The following DAAM1 variants were observed in gnomAD, a reference collection of about 807,000 sequenced individuals.
The protein encoded by DAAM1 is dishevelled associated activator of morphogenesis 1, also known as disheveled-associated activator of morphogenesis 1.
In DAAM1, 52 loss-of-function variants were observed where a neutral mutation model predicts 130.0. The ratio of observed to expected loss-of-function variants is 0.40; its 90% confidence interval spans 0.32 to 0.50. The LOEUF (loss-of-function observed/expected upper bound fraction) is 0.50, where lower values mean the gene tolerates loss of function less well. Among genes scored for constraint, DAAM1 ranks in the 20% least tolerant of loss-of-function variants. The probability of loss-of-function intolerance (pLI) is 0.61; values close to 1 mark genes in which losing one functional copy is unlikely to be tolerated. For missense variants in DAAM1, 1,134 were observed against 1,303.8 expected (o/e 0.87, Z 2.01); for synonymous variants, 452 against 444.5 (o/e 1.02, Z -0.21).
intron 1 of DAAM1, among the ~76,000 whole-genome samples, chr14:59,195,569 G>C (rs970164327): frequency 6.6e-6 from 1 of 152,036 alleles, no homozygotes; most frequent in Admixed American, 6.6e-5. Context: ...CACAATTAAG[G>C]TCACCTATTA....
intron 1 of DAAM1, among the ~76,000 whole-genome samples, chr14:59,224,618 T>G (rs867773251): frequency 1.3e-5 from 2 of 152,384 alleles, no homozygotes; most frequent in South Asian, 4.1e-4. Flanking sequence ...CTATGGACTT[T>G]AAACGTTTGA....
intron 1 of DAAM1, among the ~76,000 whole-genome samples, chr14:59,234,756 T>C (rs1163214545): frequency 6.6e-6 from 1 of 152,222 alleles, no homozygotes; most frequent in Non-Finnish European, 1.5e-5. Context: ...GATATTGGTA[T>C]GGGTTTGTCA....
intron 23 of DAAM1, among the ~76,000 whole-genome samples, chr14:59,365,286 C>G (rs1287810087): frequency 5.3e-5 from 8 of 152,150 alleles, no homozygotes; most frequent in African/African-American, 1.9e-4. Flanking sequence ...ATAAAAAGAT[C>G]ACTCAGGATG....
At chr14:59,351,166 C>T (rs1005195663) in intron 17 of DAAM1, among the ~76,000 whole-genome samples, 1 of 149,902 alleles carries the variant, frequency 6.7e-6, no homozygotes, top group Non-Finnish European at 1.5e-5. Context: ...CTCTCATATA[C>T]CACAATCCAT....
At chr14:59,242,832 G>A (rs1278796162) in intron 1 of DAAM1, among the ~76,000 whole-genome samples, 2 of 152,122 alleles carry the variant, frequency 1.3e-5, no homozygotes, top group African/African-American at 4.8e-5. Context: ...GGGATTACAG[G>A]TGTGAGCCAC....
At chr14:59,362,095 A>T (rs1218129074) in intron 22 of DAAM1, among the ~76,000 whole-genome samples, 3 of 145,336 alleles carry the variant, frequency 2.1e-5, no homozygotes, top group Non-Finnish European at 1.5e-5. Context: ...TTTTTCTCCC[A>T]GCCCCAGAGG....
chr14:59,321,355 G>A (rs919703869), intron 5 of DAAM1, among the ~76,000 whole-genome samples: 54 of 152,338 alleles, frequency 3.5e-4, no homozygotes, highest in African/African-American at 1.3e-3. Context: ...TCTAAAATTA[G>A]CTAGTGTTGT....
At chr14:59,355,803 T>C (rs1424585085) in intron 20 of DAAM1, among the ~76,000 whole-genome samples, 6 of 152,192 alleles carry the variant, frequency 3.9e-5, no homozygotes, top group African/African-American at 1.2e-4. Context: ...GAAAACTGTG[T>C]TCCACAGAAA....
At chr14:59,190,233 C>A (rs1008392596) in intron 1 of DAAM1, among the ~76,000 whole-genome samples, 1 of 152,160 alleles carries the variant, frequency 6.6e-6, no homozygotes, top group Non-Finnish European at 1.5e-5. Context: ...CAGTTCTAAA[C>A]CCCTTTCCCT....
At chr14:59,344,105 AACCC>A (rs1178865253) in intron 16 of DAAM1, among the ~76,000 whole-genome samples, 1 of 152,182 alleles carries the variant, frequency 6.6e-6, no homozygotes, top group Non-Finnish European at 1.5e-5. Flanking sequence ...TTGCAAAATG[AACCC>A]ACCTGAAACA....
intron 16 of DAAM1, among the ~76,000 whole-genome samples, chr14:59,341,959 T>C (rs747190835): frequency 6.6e-6 from 1 of 152,196 alleles, no homozygotes; most frequent in Non-Finnish European, 1.5e-5. Flanking sequence ...TCAGTAGTAC[T>C]AAGTACCAAC....
chr14:59,251,988 C>A (rs1881666031), intron 1 of DAAM1, among the ~76,000 whole-genome samples: 1 of 152,138 alleles, frequency 6.6e-6, no homozygotes, highest in South Asian at 2.1e-4. Flanking sequence ...CCAAATGAGT[C>A]CCTCTGAGCA....
At chr14:59,234,727 G>A (rs993005477) in intron 1 of DAAM1, among the ~76,000 whole-genome samples, 1 of 152,136 alleles carries the variant, frequency 6.6e-6, no homozygotes, top group Non-Finnish European at 1.5e-5. Flanking sequence ...GAAGCTTCTA[G>A]CTTTTGCCCA....
In DAAM1 at chr14:59,331,453, G is replaced by A. The variant is rs1016434941; in HGVS notation, c.1805G>A (p.Ser602Asn). Residue 602 changes from serine to asparagine, a missense_variant, in exon 14 of 25, where the codon AGC (serine) becomes AAC (asparagine). This residue lies in a region of DAAM1 where 644 missense variants were observed against 695.9 expected (regional missense o/e 0.93). Coordinates refer to ENST00000360909, the MANE Select transcript of DAAM1 (RefSeq NM_001270520.2). ...APMGLALKKK[S>N]IPQPTNALKS... is the part of the protein sequence containing the mutation. ...ATGGGCCTAGCACTGAAGAAGAAAA[G>A]CATTCCTCAGCCCACAAATGCCCTG... 1 of 1,613,212 alleles carries A rather than the reference G, an allele frequency of 6.2e-7. No homozygotes were observed.
rs904957517 is a variant in DAAM1, at chr14:59,331,704, G to C, written c.1861-109G>C. ...CATTGTTTGAAACCCGTCACTTTGA[G>C]TGTCTGGTAGACTGAAAAATTTGGG... is the stretch of plus-strand genomic sequence containing the variant. On this transcript the variant is annotated intron_variant, in intron 14 of 24. Coordinates refer to ENST00000360909, the MANE Select transcript of DAAM1 (RefSeq NM_001270520.2). 7.4e-6 allele frequency: 11 copies of C among 1,494,608 alleles called. 1 individual carries two copies. The highest frequency in any genetic ancestry group is 2.8e-5 in the South Asian group (2 of 72,710). The allele number at this position is 1,494,608 out of a possible 1,614,324, so 92.6% of individuals were successfully genotyped here.
chr14:59,260,678 C>T (rs1299099596), intron 1 of DAAM1, among the ~76,000 whole-genome samples: 1 of 152,136 alleles, frequency 6.6e-6, no homozygotes, highest in African/African-American at 2.4e-5. Context: ...GATAATATCT[C>T]TGAATATTTC....
intron 21 of DAAM1, 70 bp downstream of exon 21, chr14:59,359,574 C>T: frequency 1.7e-6 from 2 of 1,177,496 alleles, no homozygotes; most frequent in Non-Finnish European, 2.5e-6. Context: ...AGGTAGTTTG[C>T]ACTGCATGAA....
chr14:59,191,508 T>C (rs1887729224), intron 1 of DAAM1, among the ~76,000 whole-genome samples: 1 of 152,204 alleles, frequency 6.6e-6, no homozygotes, highest in Admixed American at 6.5e-5. Flanking sequence ...CTGATAGTTC[T>C]GTCATCCGTG....
chr14:59,365,118 G>A (rs1170859182), intron 23 of DAAM1, among the ~76,000 whole-genome samples: 1 of 152,200 alleles, frequency 6.6e-6, no homozygotes, highest in African/African-American at 2.4e-5. Flanking sequence ...CTCTGATGTT[G>A]AAGATCTTCT....
Sources: gnomAD v4.1 joint callset for allele counts (sites outside exome capture counted in the v4.1 genomes callset) on GRCh38, gnomAD v4.1.1 for gene constraint, gnomAD v4.1.1 regional missense constraint, MANE v1.5 for transcripts, NCBI Gene and HGNC (gene_info 2026-07-23, HGNC 2026-07-21) for gene names.